LRMDA: variants seen among roughly 807,000 people sequenced by gnomAD.
LRMDA encodes the protein leucine rich melanocyte differentiation associated.
Under a neutral mutation model 29.8 loss-of-function variants are expected in LRMDA, and 18 were observed. The observed-to-expected ratio is 0.60, with a 90% confidence interval of 0.42 to 0.90. LRMDA has a LOEUF of 0.90. Ranked by LOEUF, LRMDA falls within the 40% of genes least tolerant of loss-of-function variation. The pLI, the probability that LRMDA is intolerant of heterozygous loss-of-function variation, is 0.00. For missense variants in LRMDA, 273 were observed against 273.9 expected, an observed-to-expected ratio of 1.00 and a Z score of 0.02; for synonymous variants, 125 against 109.4, an observed-to-expected ratio of 1.14 and a Z score of -0.89.
intron 2 of LRMDA, among the ~76,000 whole-genome samples, chr10:75,502,931 G>T (rs1251504737): frequency 6.6e-6 from 1 of 151,928 alleles, no homozygotes; most frequent in Non-Finnish European, 1.5e-5. Flanking sequence ...TTTCCTGTGT[G>T]GCCTGAAAAC....
chr10:75,437,837 T>C (rs1844278781), intron 1 of LRMDA, among the ~76,000 whole-genome samples: 2 of 152,142 alleles, frequency 1.3e-5, no homozygotes, highest in Admixed American at 6.5e-5. Flanking sequence ...AAATCAGCTT[T>C]GTTTGGGTGT....
intron 6 of LRMDA, among the ~76,000 whole-genome samples, chr10:76,411,098 C>T (rs1158862895): frequency 3.3e-5 from 5 of 152,062 alleles, no homozygotes; most frequent in East Asian, 3.9e-4. Context: ...ATCATAATAA[C>T]CATGAGAGGA....
At chr10:75,481,231 G>A (rs1589155815) in intron 2 of LRMDA, among the ~76,000 whole-genome samples, 1 of 152,112 alleles carries the variant, frequency 6.6e-6, no homozygotes, top group South Asian at 2.1e-4. Flanking sequence ...GCAGTTTAGC[G>A]TGAGAAGAGA....
chr10:75,902,013 A>T (rs1398779182), intron 2 of LRMDA, among the ~76,000 whole-genome samples: 1 of 152,058 alleles, frequency 6.6e-6, no homozygotes, highest in African/African-American at 2.4e-5. Flanking sequence ...TACCCCTAAC[A>T]TTTGGGGGGT....
chr10:76,489,373 T>G (rs1842811440), intron 6 of LRMDA, among the ~76,000 whole-genome samples: 1 of 151,958 alleles, frequency 6.6e-6, no homozygotes, highest in Admixed American at 6.6e-5. Flanking sequence ...TCATTTTTCA[T>G]CTCTGATTTT....
At chr10:75,491,947 C>G (rs1195625076) in intron 2 of LRMDA, among the ~76,000 whole-genome samples, 1 of 152,162 alleles carries the variant, frequency 6.6e-6, no homozygotes, top group Non-Finnish European at 1.5e-5. Context: ...ACTATATAAA[C>G]AGCTGTTACA....
intron 2 of LRMDA, among the ~76,000 whole-genome samples, chr10:75,525,592 C>CTTTTTTTTTTT (rs11415547): frequency 6.2e-5 from 8 of 129,716 alleles, no homozygotes; most frequent in South Asian, 2.5e-4. Flanking sequence ...TTCTTTCTTT[C>CTTTTTTTTTTT]TTTTTTTTTT....
At chr10:76,169,912 C>T (rs928078400) in intron 5 of LRMDA, among the ~76,000 whole-genome samples, 2 of 152,150 alleles carry the variant, frequency 1.3e-5, no homozygotes, top group Non-Finnish European at 2.9e-5. Context: ...AAGAGGTTTA[C>T]CTCTCAGAGG....
intron 2 of LRMDA, among the ~76,000 whole-genome samples, chr10:75,665,720 A>G (rs1249933815): frequency 6.6e-6 from 1 of 152,238 alleles, no homozygotes; most frequent in Non-Finnish European, 1.5e-5. Flanking sequence ...TTGGTGGAAA[A>G]GATTCCTGGA....
intron 5 of LRMDA, among the ~76,000 whole-genome samples, chr10:76,099,881 T>C (rs1283078689): frequency 1.3e-5 from 2 of 152,288 alleles, no homozygotes; most frequent in East Asian, 3.9e-4. Context: ...AGTGACTGTT[T>C]TGTTTGTATT....
intron 2 of LRMDA, among the ~76,000 whole-genome samples, chr10:75,631,197 G>C (rs1366412827): frequency 6.6e-6 from 1 of 152,116 alleles, no homozygotes; most frequent in African/African-American, 2.4e-5. Flanking sequence ...ATGGCCCAGA[G>C]AGTTTTTAAC....
At chr10:76,118,919 T>A (rs886835497) in intron 5 of LRMDA, among the ~76,000 whole-genome samples, 9 of 143,846 alleles carry the variant, frequency 6.3e-5, no homozygotes, top group African/African-American at 2.0e-4. Flanking sequence ...AAGGTCTCCC[T>A]GGTGCCCTGG....
intron 5 of LRMDA, among the ~76,000 whole-genome samples, chr10:76,262,077 T>A (rs886962974): frequency 5.1e-4 from 77 of 151,780 alleles, no homozygotes; most frequent in East Asian, 1.5e-3. Flanking sequence ...TAAAAAAAAA[T>A]AATAATAATA....
intron 5 of LRMDA, among the ~76,000 whole-genome samples, chr10:76,115,749 C>T (rs1393198906): frequency 1.3e-5 from 2 of 152,084 alleles, no homozygotes; most frequent in African/African-American, 2.4e-5. Flanking sequence ...TTAATGTCCC[C>T]AAGGGCTATC....
intron 2 of LRMDA, among the ~76,000 whole-genome samples, chr10:75,570,053 T>C (rs1486919603): frequency 1.3e-5 from 2 of 152,238 alleles, no homozygotes; most frequent in African/African-American, 4.8e-5. Context: ...ATGGCCATTT[T>C]CAGTTTAAAA....
chr10:75,617,059 A>T (rs1418802669), intron 2 of LRMDA, among the ~76,000 whole-genome samples: 1 of 152,210 alleles, frequency 6.6e-6, no homozygotes, highest in African/African-American at 2.4e-5. Context: ...GATGGTTTCT[A>T]TGAAAGTGTG....
intron 5 of LRMDA, among the ~76,000 whole-genome samples, chr10:76,158,642 C>A (rs1312812600): frequency 6.6e-6 from 1 of 152,134 alleles, no homozygotes; most frequent in Admixed American, 6.6e-5. Context: ...TTTTAAAAAT[C>A]TAATTTAATG....
intron 6 of LRMDA, among the ~76,000 whole-genome samples, chr10:76,367,423 ATTTTTAAT>A (rs1341587479): frequency 2.5e-5 from 1 of 40,172 alleles, no homozygotes; most frequent in Non-Finnish European, 6.0e-5. Flanking sequence ...AATTTTTTTA[ATTTTTAAT>A]TTTTTTTTTT....
At chr10:76,362,366 T>C (rs925521131) in intron 6 of LRMDA, among the ~76,000 whole-genome samples, 3 of 152,214 alleles carry the variant, frequency 2.0e-5, no homozygotes, top group Non-Finnish European at 4.4e-5. Flanking sequence ...GGCCAGTCAC[T>C]TGATCACTCT....
Sources: allele counts gnomAD v4.1 joint callset (sites outside exome capture counted in the v4.1 genomes callset), GRCh38; gene constraint gnomAD v4.1.1; transcripts MANE v1.5; gene names NCBI Gene and HGNC (gene_info 2026-07-23, HGNC 2026-07-21).